Variants in WASHC2A observed in about 807,000 individuals in gnomAD.
The protein encoded by WASHC2A is WASH complex subunit FAM21A.
Under a neutral mutation model 140.3 loss-of-function variants are expected in WASHC2A, and 82 were observed. The observed-to-expected ratio is 0.58, with a 90% CI of 0.49 to 0.70. The LOEUF (loss-of-function observed/expected upper bound fraction) is 0.70. Ranked by LOEUF, WASHC2A falls within the 30% of genes least tolerant of loss-of-function variation. WASHC2A has a pLI of 0.00. For synonymous variants in WASHC2A, 340 were observed against 560.8 expected, an observed-to-expected ratio of 0.61 and a Z score of 5.56; for missense variants, 985 against 1,521.8, an observed-to-expected ratio of 0.65 and a Z score of 5.87.
At chr10:50,088,338 T>C (rs1839574231) in intron 8 of WASHC2A, among the ~76,000 whole-genome samples, 1 of 145,470 alleles carries the variant, frequency 6.9e-6, no homozygotes, top group Admixed American at 7.1e-5. Context: ...TGATCTCAGC[T>C]CAATGTAATC....
intron 28 of WASHC2A, among the ~76,000 whole-genome samples, chr10:50,128,372 T>C (rs990641429): frequency 1.3e-5 from 2 of 152,180 alleles, no homozygotes; most frequent in Non-Finnish European, 2.9e-5. Flanking sequence ...ACATCCCCAC[T>C]TCTGTGACTG....
At chr10:50,110,069 C>T (rs1341282282) in intron 19 of WASHC2A, 32 bp from the exon 20 acceptor site, 24 of 1,591,778 alleles carry the variant, frequency 1.5e-5, no homozygotes, top group Non-Finnish European at 1.5e-5. Flanking sequence ...TGCGCCTGGC[C>T]TGGAGTTTTA....
intron 3 of WASHC2A, among the ~76,000 whole-genome samples, chr10:50,077,167 G>T (rs1320574668): frequency 6.6e-6 from 1 of 150,740 alleles, no homozygotes; most frequent in African/African-American, 2.4e-5. Flanking sequence ...GGTGGTGCCC[G>T]CCTGTAATCC....
intron 25 of WASHC2A, among the ~76,000 whole-genome samples, chr10:50,125,723 T>C (rs1254797752): frequency 6.6e-6 from 1 of 152,236 alleles, no homozygotes; most frequent in Non-Finnish European, 1.5e-5. Flanking sequence ...AAATGGTTGA[T>C]TGAAAGACCA....
chr10:50,099,948 T>TGGGGGGGGGGGGGGGGGGCG, intron 16 of WASHC2A, 30 bp from the exon 17 acceptor site: 1 of 1,249,888 alleles, frequency 8.0e-7, no homozygotes, highest in Non-Finnish European at 1.1e-6. Flanking sequence ...CTTTTTTTCT[T>TGGGGGGGGGGGGGGGGGGCG]CCCCACCCCC....
At chr10:50,090,289 G>A (rs1220624679) in intron 8 of WASHC2A, among the ~76,000 whole-genome samples, 1 of 149,142 alleles carries the variant, frequency 6.7e-6, no homozygotes, top group African/African-American at 2.5e-5. Flanking sequence ...ATCACCTGAA[G>A]TCAGGAGTTC....
chr10:50,072,193 T>C (rs1250636286), intron 3 of WASHC2A, among the ~76,000 whole-genome samples: 1 of 147,662 alleles, frequency 6.8e-6, no homozygotes, highest in African/African-American at 2.5e-5. Context: ...CAAGCAGTTA[T>C]CCTACTTCAG....
intron 17 of WASHC2A, among the ~76,000 whole-genome samples, chr10:50,103,516 C>T (rs1452633554): frequency 6.6e-6 from 1 of 151,984 alleles, no homozygotes; most frequent in Non-Finnish European, 1.5e-5. Flanking sequence ...GCCGAGATTG[C>T]ACCACTGCAC....
At chr10:50,079,954 G>GATAAAAGAC (rs1434183828) in intron 4 of WASHC2A, among the ~76,000 whole-genome samples, 12 of 146,410 alleles carry the variant, frequency 8.2e-5, no homozygotes, top group African/African-American at 2.6e-4. Flanking sequence ...CAGTACTTGA[G>GATAAAAGAC]ATAAAAGACT....
intron 26 of WASHC2A, 37 bp downstream of exon 26, chr10:50,126,216 T>C: frequency 6.2e-7 from 1 of 1,612,518 alleles, no homozygotes; most frequent in South Asian, 1.1e-5. Context: ...AGCTCTTGTT[T>C]GCATCCCAGT....
chr10:50,103,595 G>A (rs2338444), intron 17 of WASHC2A, among the ~76,000 whole-genome samples: 143,906 of 150,540 alleles, frequency 0.96, 69,129 homozygotes, highest in South Asian at 1. Flanking sequence ...TAATCTTAGG[G>A]GAGGAGGGTG....
chr10:50,082,016 C>G (rs1339659791), intron 5 of WASHC2A, among the ~76,000 whole-genome samples: 1 of 152,086 alleles, frequency 6.6e-6, no homozygotes, highest in East Asian at 1.9e-4. Flanking sequence ...TGAGGCAGAT[C>G]ATTTGGCACT....
At position 50,125,930 on chromosome 10, in the gene WASHC2A, T is replaced by G. The variant is rs1303185419; in HGVS notation, c.2689-127T>G. ...CTATTTCTGAAATGCTACCTTTGAG[T>G]TGGTTCAGCCCTCATTTGAGAAAGT... On this transcript the variant is annotated intron_variant, in intron 25 of 30. Coordinates refer to ENST00000282633, the MANE Select transcript of WASHC2A (RefSeq NM_001005751.3). 74 of 1,064,444 alleles carry G rather than the reference T, an allele frequency of 7.0e-5. 1 individual carries two copies. The South Asian group carries it at 1.1e-3, about 16-fold the overall frequency. The allele number at this position is 1,064,444 out of a possible 1,614,324, so 65.9% of individuals were successfully genotyped here. A position where few individuals can be genotyped will look rare whatever the true frequency, so the allele number is the denominator to read the frequency against.
At chr10:50,084,453 C>G (rs1839208898) in intron 6 of WASHC2A, among the ~76,000 whole-genome samples, 1 of 145,300 alleles carries the variant, frequency 6.9e-6, no homozygotes, top group Non-Finnish European at 1.5e-5. Context: ...TTTTTTGAGA[C>G]AGAGTCTCGC....
intron 3 of WASHC2A, among the ~76,000 whole-genome samples, chr10:50,075,548 C>T (rs1838237720): frequency 1.3e-5 from 2 of 151,476 alleles, no homozygotes; most frequent in East Asian, 3.9e-4. Flanking sequence ...TGGCTAGGAC[C>T]ACAGGTGTTC....
chr10:50,126,950 G>A (rs2133080526), intron 26 of WASHC2A, among the ~76,000 whole-genome samples: 1 of 152,214 alleles, frequency 6.6e-6, no homozygotes, highest in East Asian at 1.9e-4. Flanking sequence ...TATCTGATCT[G>A]GCAGCTTTCC....
intron 16 of WASHC2A, 91 bp downstream of exon 16, chr10:50,097,893 C>T: frequency 6.3e-7 from 1 of 1,595,438 alleles, no homozygotes; most frequent in African/African-American, 1.3e-5. Flanking sequence ...TGTTCCCTTT[C>T]ACGTTCATAT....
chr10:50,077,199 CAA>C (rs1260518564), intron 3 of WASHC2A, among the ~76,000 whole-genome samples: 3 of 151,688 alleles, frequency 2.0e-5, no homozygotes, highest in East Asian at 1.9e-4. Flanking sequence ...GAGGCTGAGA[CAA>C]GAGAATCATT....
intron 21 of WASHC2A, among the ~76,000 whole-genome samples, chr10:50,116,794 C>G (rs1842719277): frequency 6.7e-6 from 1 of 149,260 alleles, no homozygotes; most frequent in African/African-American, 2.5e-5. Flanking sequence ...TCCCCTTGCT[C>G]TCTTCTTTCT....
Sources: allele counts gnomAD v4.1 joint callset (sites outside exome capture counted in the v4.1 genomes callset), GRCh38; gene constraint gnomAD v4.1.1; transcripts MANE v1.5; gene names NCBI Gene and HGNC (gene_info 2026-07-23, HGNC 2026-07-21).